The following C1RL variants were observed in gnomAD, a reference collection of about 807,000 sequenced individuals.
The protein encoded by C1RL is complement C1r subcomponent like, also known as complement C1r subcomponent-like protein.
C1RL carries 27 observed loss-of-function variants against 27.9 expected under a neutral mutation model. That is an observed-to-expected ratio of 0.97 (90% CI 0.71 to 1.33). The LOEUF is 1.33. Among genes scored for constraint, C1RL ranks in the 40% most tolerant of loss-of-function variants. The pLI is 0.00. For synonymous variants in C1RL, 248 were observed against 252.1 expected (o/e 0.98, Z 0.15); for missense variants, 563 against 623.9 (o/e 0.90, Z 1.04).
At position 7,096,221 on chromosome 12, in the gene C1RL, G is replaced by T; in HGVS notation, c.*170C>A. 2 of 1,390,838 alleles carry T rather than the reference G, an allele frequency of 1.4e-6. No individual in the cohort carries two copies. The highest frequency in any genetic ancestry group is 3.3e-5 in the Admixed American group (1 of 30,672). 86.2% of individuals were successfully genotyped at this position (1,390,838 alleles called of 1,614,324 possible). On this transcript the variant is annotated 3_prime_UTR_variant, in exon 6 of 6. Coordinates refer to ENST00000266542, the MANE Select transcript of C1RL (RefSeq NM_016546.4). ...GTCTGGGATGGGGCGGGCTTGCCGG[G>T]TGGGGGTTTCTCTTGCAGTGGCTTG...
intron 2 of C1RL, among the ~76,000 whole-genome samples, chr12:7,103,379 G>A (rs951325462): frequency 1.4e-4 from 21 of 152,190 alleles, no homozygotes; most frequent in African/African-American, 5.1e-4. Context: ...AATTCCATGT[G>A]TGAAATGGGG....
chr12:7,108,982 T>G (rs1938857978), intron 1 of C1RL, 128 bp downstream of exon 1: 2 of 154,600 alleles, frequency 1.3e-5, no homozygotes, highest in African/African-American at 1.9e-4. Flanking sequence ...TGTGTGTGTG[T>G]GTGTGTGGGG....
chr12:7,094,870 C>T lies in C1RL; in HGVS notation c.*1521G>A. ...CTGGGGGTATAAGTGTGCATCATTG[C>T]ACCTGCCTTTTGGGAATATTTTTAA... On this transcript the variant is annotated 3_prime_UTR_variant, in exon 6 of 6. Coordinates refer to ENST00000266542, the MANE Select transcript of C1RL (RefSeq NM_016546.4). 4.0e-6 allele frequency: 4 copies of T among 1,008,126 alleles called. No homozygotes were observed. Among genetic ancestry groups the T allele is most frequent in the Non-Finnish European group, 4.7e-6 (4 of 843,006 alleles). The allele number at this position is 1,008,126 out of a possible 1,614,324, so 62.4% of individuals were successfully genotyped here. A position where few individuals can be genotyped will look rare whatever the true frequency, so the allele number is the denominator to read the frequency against.
chr12:7,099,751 G>T lies in C1RL; in HGVS notation c.626C>A (p.Thr209Asn). The change falls in exon 5 of 6, where the codon ACC becomes AAC. Residue 209 changes from threonine (T) to asparagine (N), a missense_variant. Transcript: ENST00000266542. ...TTTCCAGGTCCCTGGGGTTGCACAG[G>T]TGAGTGCCCCTGTGGCGTAAATGAG... ...YYQAAAAGAL[T>N]CATPGTWKDR... The T allele has an allele frequency of 6.3e-7, 1 of 1,581,382 alleles. No individual in the cohort carries two copies.
rs367870362 is a variant in C1RL, at chr12:7,096,369, G to A, written c.*22C>T. ...CCTGGGGCCTCCACTGTGCTGGTCAGTCCCTGTTCAAGCCCCCAGGGTCAA... is the reference window on the plus strand; with the variant it reads ...CCTGGGGCCTCCACTGTGCTGGTCAATCCCTGTTCAAGCCCCCAGGGTCAA... On this transcript the variant is annotated 3_prime_UTR_variant, in exon 6 of 6. Coordinates refer to ENST00000266542, the MANE Select transcript of C1RL (RefSeq NM_016546.4). The A allele has an allele frequency of 1.1e-5, 17 of 1,522,246 alleles. No homozygotes were observed. The highest frequency in any genetic ancestry group is 1.5e-5 in the Non-Finnish European group (17 of 1,127,790). The allele number at this position is 1,522,246 out of a possible 1,614,324, so 94.3% of individuals were successfully genotyped here. A position where few individuals can be genotyped will look rare whatever the true frequency, so the allele number is the denominator to read the frequency against.
intron 3 of C1RL, among the ~76,000 whole-genome samples, chr12:7,100,641 T>C (rs764028568): frequency 6.6e-6 from 1 of 152,076 alleles, no homozygotes; most frequent in African/African-American, 2.4e-5. Context: ...ATGCAAAAAT[T>C]AGCTGGGTGT....
At chr12:7,103,486 T>G (rs1488227826) in intron 2 of C1RL, among the ~76,000 whole-genome samples, 1 of 152,236 alleles carries the variant, frequency 6.6e-6, no homozygotes, top group Non-Finnish European at 1.5e-5. Flanking sequence ...GAGTCTGCAC[T>G]AAGAGCAGTG....
At chr12:7,108,882 G>T in intron 1 of C1RL, 1 of 574,112 alleles carries the variant, frequency 1.7e-6, no homozygotes, top group Non-Finnish European at 3.1e-6. Flanking sequence ...GAAGGTGCTA[G>T]AGGCCACAGG....
chr12:7,095,575 A>C lies in C1RL; in HGVS notation c.*816T>G. On this transcript the variant is annotated 3_prime_UTR_variant, in exon 6 of 6. Transcript: ENST00000266542. The stretch of plus-strand genomic sequence containing the variant: ...TGGGGCCATTAGGAAAGTGTGAGCT[A>C]GAGGATACCATTTTCGCAGAAGCAG... 1.0e-6 allele frequency: 1 copy of C among 986,018 alleles called. No individual in the cohort carries two copies. The highest frequency in any genetic ancestry group is 1.2e-6 in the Non-Finnish European group (1 of 830,336). The allele number at this position is 986,018 out of a possible 1,614,324, so 61.1% of individuals were successfully genotyped here. A position where few individuals can be genotyped will look rare whatever the true frequency, so the allele number is the denominator to read the frequency against.
intron 2 of C1RL, among the ~76,000 whole-genome samples, chr12:7,106,024 C>T (rs754444936): frequency 6.6e-6 from 1 of 152,082 alleles, no homozygotes; most frequent in Non-Finnish European, 1.5e-5. Flanking sequence ...AAAAATAGCA[C>T]AAGAACATTC....
At chr12:7,103,451 C>G (rs1054267602) in intron 2 of C1RL, among the ~76,000 whole-genome samples, 1 of 152,192 alleles carries the variant, frequency 6.6e-6, no homozygotes, top group Non-Finnish European at 1.5e-5. Context: ...GTGGCCTCTT[C>G]CAGCATGTTC....
At chr12:7,100,160 C>T (rs560962404) in intron 3 of C1RL, 134 bp from the exon 4 acceptor site, 30 of 874,228 alleles carry the variant, frequency 3.4e-5, no homozygotes, top group Non-Finnish European at 3.7e-5. Context: ...CATTTGAGTT[C>T]GTTTTCACTG....
At position 7,108,199 on chromosome 12, in the gene C1RL, G is replaced by A. The variant is rs879033548; in HGVS notation, c.300+52C>T. On this transcript the variant is annotated intron_variant, in intron 2 of 5. Transcript: ENST00000266542. Reference sequence around the variant, plus strand: ...GGGCACCGCCACTTCCCACAACCCCGGGAATCTCCCTGGCCACAGTCCTGG... The same window carrying A: ...GGGCACCGCCACTTCCCACAACCCCAGGAATCTCCCTGGCCACAGTCCTGG... 2.8e-5 allele frequency: 40 copies of A among 1,406,524 alleles called. No homozygotes were observed. In the South Asian group the frequency reaches 5.4e-4, roughly 19 times the overall value. The allele number at this position is 1,406,524 out of a possible 1,614,324, so 87.1% of individuals were successfully genotyped here.
At position 7,095,365 on chromosome 12, in the gene C1RL, C is replaced by T. The variant is rs528899715; in HGVS notation, c.*1026G>A. The T allele has an allele frequency of 5.8e-5, 59 of 1,020,614 alleles. No individual in the cohort carries two copies. Among genetic ancestry groups the T allele is most frequent in the Middle Eastern group, 4.7e-4 (1 of 2,110 alleles). 63.2% of individuals were successfully genotyped at this position (1,020,614 alleles called of 1,614,324 possible). A position where few individuals can be genotyped will look rare whatever the true frequency, so the allele number is the denominator to read the frequency against. ...TCCTGACCTCGTGATCCACCCACCT[C>T]GGACTCCTAAGGTGTTGGGATTACA... On this transcript the variant is annotated 3_prime_UTR_variant, in exon 6 of 6. Coordinates refer to ENST00000266542, the MANE Select transcript of C1RL (RefSeq NM_016546.4).
chr12:7,098,242 G>A (rs1336436844), intron 5 of C1RL: 2 of 152,280 alleles, frequency 1.3e-5, no homozygotes, highest in Non-Finnish European at 2.9e-5. Flanking sequence ...CTGCACTCCA[G>A]CCTGGGCGAC....
At position 7,108,402 on chromosome 12, in the gene C1RL, TG is replaced by T. The variant is rs748428093; in HGVS notation, c.148del (p.Gln50SerfsTer3). 3.7e-6 allele frequency: 6 copies of T among 1,613,956 alleles called. No individual in the cohort carries two copies. In the African/African-American group the frequency reaches 5.3e-5, roughly 14 times the overall value. ...GSVLLAQELP[Q>X]QLTSPGYPEP... The stretch of plus-strand genomic sequence containing the variant: ...TGGGTACCCGGGGGATGTCAGCTGC[TG>T]GGGTAGCTCTTGGGCCAAGAGGACG... On this transcript the variant is annotated frameshift_variant, in exon 2 of 6. Coordinates refer to ENST00000266542, the MANE Select transcript of C1RL (RefSeq NM_016546.4). LOFTEE classifies it high-confidence loss of function.
intron 3 of C1RL, chr12:7,101,521 TG>T: frequency 3.7e-6 from 1 of 271,160 alleles, no homozygotes; most frequent in Admixed American, 4.7e-5. Flanking sequence ...CTTCCAGCCT[TG>T]GCCTTCCAAA....
At position 7,104,831 on chromosome 12, in the gene C1RL, T is replaced by A. The variant is rs1478064295; in HGVS notation, c.301-2744A>T. 6.6e-6 allele frequency among the ~76,000 whole-genome samples: 1 copy of A among 152,258 alleles called. No homozygotes were observed. The highest frequency in any genetic ancestry group is 1.5e-5 in the Non-Finnish European group (1 of 68,050). Reference sequence around the variant, plus strand: ...ATTTAGAGGTTTGGTGATGTTTCTGTGATCAGTAATTGCTGTAGAAACTTC... The same window carrying A: ...ATTTAGAGGTTTGGTGATGTTTCTGAGATCAGTAATTGCTGTAGAAACTTC... On this transcript the variant is annotated intron_variant, in intron 2 of 5. Transcript: ENST00000266542. The surrounding 1 kb of genome is among the most constrained non-coding windows in gnomAD (Gnocchi z 5.4).
At chr12:7,097,912 C>G (rs1170518271) in intron 5 of C1RL, among the ~76,000 whole-genome samples, 1 of 152,174 alleles carries the variant, frequency 6.6e-6, no homozygotes, top group Non-Finnish European at 1.5e-5. Flanking sequence ...AAACCATCCC[C>G]AAAGCACTGC....
Sources: gnomAD v4.1 joint callset for allele counts (sites outside exome capture counted in the v4.1 genomes callset) on GRCh38, gnomAD v4.1.1 for gene constraint, Gnocchi (gnomAD v3.1) non-coding constraint, MANE v1.5 for transcripts, NCBI Gene and HGNC (gene_info 2026-07-23, HGNC 2026-07-21) for gene names.